The following ICAM2 variants were observed in gnomAD, a reference collection of about 807,000 sequenced individuals.
ICAM2 encodes intercellular adhesion molecule 2.
Under a neutral mutation model 19.1 loss-of-function variants are expected in ICAM2, and 14 were observed. The observed-to-expected ratio is 0.73, with a 90% confidence interval of 0.48 to 1.15. The LOEUF is 1.15. Among genes scored for constraint, ICAM2 ranks in the 50% most tolerant of loss-of-function variants. The probability of loss-of-function intolerance (pLI) is 0.00; values close to 1 mark genes in which losing one functional copy is unlikely to be tolerated. For synonymous variants in ICAM2, 153 were observed against 152.7 expected (o/e 1.00, Z -0.01); for missense variants, 311 against 355.4 (o/e 0.88, Z 1.00).
chr17:64,003,561 C>A, intron 4 of ICAM2, 83 bp downstream of exon 4: 1 of 1,306,494 alleles, frequency 7.7e-7, no homozygotes, highest in Non-Finnish European at 1.1e-6. Flanking sequence ...GTTTGCTTCC[C>A]AAGTGGGACT....
rs768481130 is a variant in ICAM2, at chr17:64,003,783, C to T, written c.510G>A (p.Glu170=). ...CCGTGCTGTTGAATGTGGCTGTGGC[C>T]TCCTGCGGAGCAGGGGCTGCCTTCC... is the stretch of plus-strand genomic sequence containing the variant. ...TFGKAAPAPQ[E]ATATFNSTAD... Residue 170 remains glutamate (E), a synonymous_variant, in exon 4 of 5, where the codon GAG becomes GAA. Coordinates refer to ENST00000579788, the MANE Select transcript of ICAM2 (RefSeq NM_001099789.2). 6 of 1,614,262 alleles carry T rather than the reference C, an allele frequency of 3.7e-6. No homozygotes were observed. The highest frequency in any genetic ancestry group is 5.1e-6 in the Non-Finnish European group (6 of 1,180,054).
In ICAM2 at chr17:64,005,303, G is replaced by C; in HGVS notation, c.132C>G (p.Leu44=). Residue 44 remains leucine (L), a synonymous_variant, in exon 3 of 5, where the codon CTC becomes CTG. Coordinates refer to ENST00000579788, the MANE Select transcript of ICAM2 (RefSeq NM_001099789.2). The stretch of plus-strand genomic sequence containing the variant: ...TACAGGTGGTGCTGCAGTTGACCTC[G>C]AGGGACCCTTTGGGCTCAACCGCCA... ...KKLAVEPKGS[L]EVNCSTTCNQ... 2 of 1,614,068 alleles carry C rather than the reference G, an allele frequency of 1.2e-6. No individual in the cohort carries two copies. The highest frequency in any genetic ancestry group is 1.1e-5 in the South Asian group (1 of 91,086).
At chr17:64,014,454 GGAGA>G (rs796398652) in intron 1 of ICAM2, among the ~76,000 whole-genome samples, 1 of 110,310 alleles carries the variant, frequency 9.1e-6, no homozygotes, top group Non-Finnish European at 1.8e-5. Context: ...AGAGAGAGAA[GGAGA>G]GAGAGAGGGG....
chr17:64,003,248 C>A, intron 4 of ICAM2: 1 of 432,736 alleles, frequency 2.3e-6, no homozygotes, highest in East Asian at 4.3e-5. Context: ...CCCAGCCAAG[C>A]CCCTTCTTGG....
chr17:64,015,344 A>G (rs1368244029), intron 1 of ICAM2, among the ~76,000 whole-genome samples: 4 of 152,236 alleles, frequency 2.6e-5, no homozygotes, highest in Non-Finnish European at 4.4e-5. Flanking sequence ...ATTGAAGTAG[A>G]TCAAGTCTTA....
chr17:64,009,204 T>C (rs1169318813), intron 1 of ICAM2, among the ~76,000 whole-genome samples: 1 of 152,132 alleles, frequency 6.6e-6, no homozygotes, highest in Non-Finnish European at 1.5e-5. Context: ...AATTGGTAGA[T>C]GGATGGGTGC....
In ICAM2 at chr17:64,002,659, G is replaced by T; in HGVS notation, c.*88C>A. 1 of 1,223,108 alleles carries T rather than the reference G, an allele frequency of 8.2e-7. No individual in the cohort carries two copies. Among genetic ancestry groups the T allele is most frequent in the Non-Finnish European group, 1.2e-6 (1 of 865,940 alleles). The allele number at this position is 1,223,108 out of a possible 1,614,324, so 75.8% of individuals were successfully genotyped here. A position where few individuals can be genotyped will look rare whatever the true frequency, so the allele number is the denominator to read the frequency against. Reference sequence around the variant, plus strand: ...TCCCAAGTCTCTGCTGCCTGTCACAGTCCTTCAGCCAGGGCTGGACCTCAA... The same window carrying T: ...TCCCAAGTCTCTGCTGCCTGTCACATTCCTTCAGCCAGGGCTGGACCTCAA... On this transcript the variant is annotated 3_prime_UTR_variant, in exon 5 of 5. Coordinates refer to ENST00000579788, the MANE Select transcript of ICAM2 (RefSeq NM_001099789.2).
intron 1 of ICAM2, among the ~76,000 whole-genome samples, chr17:64,011,695 T>C (rs541886458): frequency 6.6e-6 from 1 of 152,016 alleles, no homozygotes; most frequent in African/African-American, 2.4e-5. Flanking sequence ...ACCCAGGAGT[T>C]TGAGATCAGC....
intron 1 of ICAM2, among the ~76,000 whole-genome samples, chr17:64,016,534 G>T (rs541155033): frequency 2.0e-5 from 3 of 152,150 alleles, no homozygotes; most frequent in Non-Finnish European, 4.4e-5. Context: ...GAGAGTTAAG[G>T]TCCCTAGAAT....
intron 1 of ICAM2, 155 bp from the exon 2 acceptor site, chr17:64,006,890 C>A (rs1911238376): frequency 1.7e-6 from 1 of 599,438 alleles, no homozygotes; most frequent in East Asian, 2.8e-5. Flanking sequence ...AGAATCCAGG[C>A]AGAGGAAGCT....
At chr17:64,020,101 C>T (rs1911889435) in intron 1 of ICAM2, among the ~76,000 whole-genome samples, 1 of 151,958 alleles carries the variant, frequency 6.6e-6, no homozygotes, top group Non-Finnish European at 1.5e-5. Flanking sequence ...AAGTGAGTGA[C>T]TGAGATTCAT....
At chr17:64,007,067 T>C (rs571962668) in intron 1 of ICAM2, 7 of 219,178 alleles carry the variant, frequency 3.2e-5, no homozygotes, top group African/African-American at 1.1e-4. Flanking sequence ...ATGGGATGCA[T>C]TGTTGGAGTC....
intron 1 of ICAM2, among the ~76,000 whole-genome samples, chr17:64,012,333 C>T (rs561783580): frequency 3.3e-5 from 5 of 152,234 alleles, no homozygotes; most frequent in Non-Finnish European, 7.4e-5. Flanking sequence ...CAAGGTGGCT[C>T]ATGCCTGTAA....
chr17:64,005,460 T>A (rs1911143295), intron 2 of ICAM2, 87 bp from the exon 3 acceptor site: 1 of 1,459,354 alleles, frequency 6.9e-7, no homozygotes, highest in Non-Finnish European at 9.4e-7. Context: ...GTCTGGCTCC[T>A]GGGTCAGGGA....
chr17:64,018,333 C>CAAAAAAAAAA (rs376250303), intron 1 of ICAM2, among the ~76,000 whole-genome samples: 1 of 52,700 alleles, frequency 1.9e-5, no homozygotes, highest in East Asian at 6.6e-4. Flanking sequence ...GACTCTATCT[C>CAAAAAAAAAA]AAAAAAAAAA....
intron 1 of ICAM2, among the ~76,000 whole-genome samples, chr17:64,010,138 C>T (rs545502983): frequency 7.2e-4 from 109 of 152,306 alleles, no homozygotes; most frequent in Middle Eastern, 3.4e-3. Context: ...ATTTGGCACC[C>T]CGGGATCATT....
At chr17:64,018,100 G>A (rs1567850959) in intron 1 of ICAM2, among the ~76,000 whole-genome samples, 2 of 152,126 alleles carry the variant, frequency 1.3e-5, no homozygotes, top group East Asian at 1.9e-4. Context: ...TTGGGAGGCC[G>A]AGGCGGGCTG....
intron 1 of ICAM2, among the ~76,000 whole-genome samples, chr17:64,009,139 C>T (rs1911340007): frequency 6.6e-6 from 1 of 152,222 alleles, no homozygotes; most frequent in African/African-American, 2.4e-5. Context: ...TGTACTGCTA[C>T]ATCCACCCAG....
In ICAM2 at chr17:64,006,722, C is replaced by T. The variant is rs1266772321; in HGVS notation, c.-31G>A. Reference sequence around the variant, plus strand: ...GCAGTCTCCACGGGCTCGCAGGGACCAGCCAAGGGCTGCCTGGAGGGAGAT... The same window carrying T: ...GCAGTCTCCACGGGCTCGCAGGGACTAGCCAAGGGCTGCCTGGAGGGAGAT... On this transcript the variant is annotated 5_prime_UTR_variant, in exon 2 of 5. Coordinates refer to ENST00000579788, the MANE Select transcript of ICAM2 (RefSeq NM_001099789.2). The T allele has an allele frequency of 1.2e-6, 2 of 1,609,284 alleles. No homozygotes were observed. The highest frequency in any genetic ancestry group is 3.3e-5 in the Admixed American group (2 of 59,960).
Sources: gnomAD v4.1 joint callset for allele counts (sites outside exome capture counted in the v4.1 genomes callset) on GRCh38, gnomAD v4.1.1 for gene constraint, MANE v1.5 for transcripts, NCBI Gene and HGNC (gene_info 2026-07-23, HGNC 2026-07-21) for gene names.